TULP4: variants seen among roughly 807,000 people sequenced by gnomAD.
The protein encoded by TULP4 is tubby-related protein 4.
Under a neutral mutation model 129.0 loss-of-function variants are expected in TULP4, and 16 were observed. That is an observed-to-expected ratio of 0.12 (90% confidence interval 0.08 to 0.19). The LOEUF is 0.19. TULP4 is among the 10% of genes least tolerant of loss of function. The probability of loss-of-function intolerance (pLI) is 1.00; values close to 1 mark genes in which losing one functional copy is unlikely to be tolerated. For missense variants in TULP4, 1,842 were observed against 2,059.1 expected, an observed-to-expected ratio of 0.89 and a Z score of 2.04; for synonymous variants, 998 against 854.0, an observed-to-expected ratio of 1.17 and a Z score of -2.94.
rs557658779 is a variant in TULP4 at position 158,423,131 on chromosome 6, G to T, written c.382-6605G>T. Among the ~76,000 whole-genome samples, 352 of 151,302 alleles carry T rather than the reference G, an allele frequency of 2.3e-3. 5 individuals are homozygous for T. The highest frequency in any genetic ancestry group is 4.1e-3 in the African/African-American group (167 of 41,138). ...TTCCTCCACAAAAAAGAGGGGGGGG[G>T]GGGGAAAGAAACCTTCCCAGGACCC... On this transcript the variant is annotated intron_variant, in intron 2 of 13. Coordinates refer to ENST00000367097, the MANE Select transcript of TULP4 (RefSeq NM_020245.5).
At chr6:158,382,976 G>C (rs1777362206) in intron 1 of TULP4, among the ~76,000 whole-genome samples, 1 of 152,188 alleles carries the variant, frequency 6.6e-6, no homozygotes, top group African/African-American at 2.4e-5. Context: ...GCGAATTAGT[G>C]CTGTGCCAAA....
At chr6:158,391,376 G>C (rs961447962) in intron 1 of TULP4, among the ~76,000 whole-genome samples, 3 of 152,098 alleles carry the variant, frequency 2.0e-5, no homozygotes. Flanking sequence ...TATGTGTAGA[G>C]TGCATCGTGT....
At chr6:158,432,879 T>TTG (rs1778662022) in intron 3 of TULP4, among the ~76,000 whole-genome samples, 1 of 152,230 alleles carries the variant, frequency 6.6e-6, no homozygotes, top group Admixed American at 6.5e-5. Flanking sequence ...GTTCTTGTTT[T>TTG]TGAAAGTAAG....
intron 1 of TULP4, among the ~76,000 whole-genome samples, chr6:158,336,748 G>C (rs2114735458): frequency 6.6e-6 from 1 of 152,248 alleles, no homozygotes; most frequent in Non-Finnish European, 1.5e-5. Flanking sequence ...GGTAAAGTTA[G>C]AATTTCACTT....
chr6:158,338,979 C>T (rs1780110229), intron 1 of TULP4, among the ~76,000 whole-genome samples: 1 of 152,280 alleles, frequency 6.6e-6, no homozygotes, highest in South Asian at 2.1e-4. Context: ...CCTGTGCTTG[C>T]ATGTAAGACT....
intron 6 of TULP4, among the ~76,000 whole-genome samples, chr6:158,466,767 A>C (rs568999158): frequency 6.6e-6 from 1 of 152,356 alleles, no homozygotes; most frequent in South Asian, 2.1e-4. Context: ...TAAGGAAGAC[A>C]GACAAGTGAT....
chr6:158,506,853 G>A lies in TULP4; in HGVS notation c.*159G>A. On this transcript the variant is annotated 3_prime_UTR_variant, in exon 14 of 14. Transcript: ENST00000367097. ...GCCCAGGAGAGGGCGCTGACCTGTG[G>A]TCGTCATTTATTTGGTTGGGTTTTA... The A allele has an allele frequency of 1.7e-6, 1 of 602,540 alleles. No homozygotes were observed. Among genetic ancestry groups the A allele is most frequent in the Non-Finnish European group, 3.0e-6 (1 of 338,020 alleles). 37.3% of individuals were successfully genotyped at this position (602,540 alleles called of 1,614,324 possible).
chr6:158,369,367 G>A (rs535120978), intron 1 of TULP4, among the ~76,000 whole-genome samples: 1 of 152,246 alleles, frequency 6.6e-6, no homozygotes, highest in Non-Finnish European at 1.5e-5. Context: ...TGGATATGGT[G>A]GCATGCCTGT....
At chr6:158,412,859 T>G (rs1458163705) in intron 1 of TULP4, among the ~76,000 whole-genome samples, 2 of 152,144 alleles carry the variant, frequency 1.3e-5, no homozygotes, top group Non-Finnish European at 2.9e-5. Flanking sequence ...TGTCTCTCAT[T>G]GTTAGGAAGC....
chr6:158,273,533 C>A (rs1012735013), intron 1 of TULP4, among the ~76,000 whole-genome samples: 2 of 152,216 alleles, frequency 1.3e-5, no homozygotes, highest in East Asian at 3.8e-4. Context: ...ATTTACTTGA[C>A]CCTGCCATTT....
chr6:158,385,650 G>A (rs924770960), intron 1 of TULP4, among the ~76,000 whole-genome samples: 1 of 148,074 alleles, frequency 6.8e-6, no homozygotes, highest in South Asian at 2.1e-4. Context: ...AATTATACAT[G>A]TACAATATAT....
intron 2 of TULP4, among the ~76,000 whole-genome samples, chr6:158,414,536 G>T (rs758219967): frequency 6.6e-6 from 1 of 152,198 alleles, no homozygotes; most frequent in Non-Finnish European, 1.5e-5. Context: ...GCATGGAACT[G>T]CCCTGCCCTG....
rs958460939 is a variant in TULP4 at position 158,316,610 on chromosome 6, A to AT, written c.252+2353dup. Among the ~76,000 whole-genome samples the AT allele has an allele frequency of 4.6e-4, 70 of 151,108 alleles. 1 individual carries two copies. The highest frequency in any genetic ancestry group is 1.6e-3 in the African/African-American group (66 of 41,292). ...TACCTTTGAAGTGGATACGCTTCAA[A>AT]TTTTTTTTTTTATTCTTATGTAACA... is the stretch of plus-strand genomic sequence containing the variant. On this transcript the variant is annotated intron_variant, in intron 1 of 13. Transcript: ENST00000367097.
At position 158,481,192 on chromosome 6, in the gene TULP4, G is replaced by A. The variant is rs1340661374; in HGVS notation, c.1389G>A (p.Glu463=). Residue 463 remains glutamate, a synonymous_variant, in exon 8 of 14, where the codon GAG becomes GAA. Coordinates refer to ENST00000367097, the MANE Select transcript of TULP4 (RefSeq NM_020245.5). ...VGGPCYTLYL[E]YLGGLVPILK... ...GCCCGTGCTACACGCTCTACCTGGA[G>A]TACCTGGGCGGGCTTGTGCCCATCC... The A allele has an allele frequency of 2.5e-6, 4 of 1,614,138 alleles. No homozygotes were observed. Among genetic ancestry groups the A allele is most frequent in the Admixed American group, 1.7e-5 (1 of 60,012 alleles).
At chr6:158,471,057 G>C (rs1779669805) in intron 6 of TULP4, among the ~76,000 whole-genome samples, 1 of 152,336 alleles carries the variant, frequency 6.6e-6, no homozygotes, top group East Asian at 1.9e-4. Context: ...CAAGAGCCCA[G>C]TGCAAGTTGG....
At chr6:158,498,342 TA>T (rs1227391626) in intron 11 of TULP4, among the ~76,000 whole-genome samples, 1 of 152,246 alleles carries the variant, frequency 6.6e-6, no homozygotes, top group African/African-American at 2.4e-5. Context: ...AATATGTTTT[TA>T]TACCCTAGCT....
At chr6:158,317,989 A>G (rs1460240797) in intron 1 of TULP4, among the ~76,000 whole-genome samples, 2 of 152,090 alleles carry the variant, frequency 1.3e-5, no homozygotes, top group Non-Finnish European at 2.9e-5. Flanking sequence ...TCCTTTGCCC[A>G]CTTTTTGACG....
chr6:158,479,330 A>C (rs1283750655), intron 6 of TULP4, among the ~76,000 whole-genome samples: 1 of 152,254 alleles, frequency 6.6e-6, no homozygotes, highest in Non-Finnish European at 1.5e-5. Context: ...GTTGGGTTTC[A>C]TGACCCCAAA....
chr6:158,274,790 A>C (rs1447846487), intron 1 of TULP4, among the ~76,000 whole-genome samples: 1 of 152,176 alleles, frequency 6.6e-6, no homozygotes, highest in Non-Finnish European at 1.5e-5. Flanking sequence ...AACAAAAAAC[A>C]AAAAACCAAA....
Sources: gnomAD v4.1 joint callset for allele counts (sites outside exome capture counted in the v4.1 genomes callset) on GRCh38, gnomAD v4.1.1 for gene constraint, MANE v1.5 for transcripts, NCBI Gene and HGNC (gene_info 2026-07-23, HGNC 2026-07-21) for gene names.